Variants in AHCYL2 observed in about 807,000 individuals in gnomAD.
The protein encoded by AHCYL2 is S-adenosylhomocysteine hydrolase-like protein 2.
AHCYL2 carries 28 observed loss-of-function variants against 81.4 expected under a neutral mutation model. That is an observed-to-expected ratio of 0.34 (90% CI 0.25 to 0.47). The LOEUF is 0.47. Among genes scored for constraint, AHCYL2 ranks in the 20% least tolerant of loss-of-function variants. The probability of loss-of-function intolerance (pLI) is 1.00; values close to 1 mark genes in which losing one functional copy is unlikely to be tolerated. For synonymous variants in AHCYL2, 272 were observed against 290.2 expected (o/e 0.94, Z 0.64); for missense variants, 551 against 785.1 (o/e 0.70, Z 3.56).
intron 1 of AHCYL2, among the ~76,000 whole-genome samples, chr7:129,304,088 C>T (rs1314516540): frequency 7.5e-6 from 1 of 133,694 alleles, no homozygotes; most frequent in African/African-American, 4.1e-5. Flanking sequence ...AATAAATAAA[C>T]AAACAAACTT....
At chr7:129,362,908 G>T (rs10261099) in intron 1 of AHCYL2, among the ~76,000 whole-genome samples, 152,201 of 152,208 alleles carry the variant, frequency 1, 76,097 homozygotes, top group Middle Eastern at 1. Flanking sequence ...CACTGCCTGG[G>T]GGTTTTTTTA....
chr7:129,289,035 G>A (rs1053656762), intron 1 of AHCYL2, among the ~76,000 whole-genome samples: 1 of 152,086 alleles, frequency 6.6e-6, no homozygotes, highest in Non-Finnish European at 1.5e-5. Context: ...GCCAGCCTTC[G>A]TCTTCCAAAG....
chr7:129,274,190 G>C (rs1045168483), intron 1 of AHCYL2, among the ~76,000 whole-genome samples: 2 of 152,168 alleles, frequency 1.3e-5, no homozygotes, highest in African/African-American at 4.8e-5. Flanking sequence ...TTGAATGAGA[G>C]TGTCTATTGT....
rs1181597000 is a variant in AHCYL2, at chr7:129,406,578, A to T, written c.1295+112A>T. The T allele has an allele frequency of 2.0e-6, 2 of 997,878 alleles. No individual in the cohort carries two copies. The highest frequency in any genetic ancestry group is 3.2e-6 in the Non-Finnish European group (2 of 633,150). The allele number at this position is 997,878 out of a possible 1,614,324, so 61.8% of individuals were successfully genotyped here. Reference sequence around the variant, plus strand: ...AGCCCAGATCCTCAGAGATGCTGCCACTAACTCTAAGCATCTGTCTTTTAA... The same window carrying T: ...AGCCCAGATCCTCAGAGATGCTGCCTCTAACTCTAAGCATCTGTCTTTTAA... On this transcript the variant is annotated intron_variant, in intron 10 of 16. Coordinates refer to ENST00000325006, the MANE Select transcript of AHCYL2 (RefSeq NM_015328.4). This position sits in a 1 kb window ranked among gnomAD's most constrained non-coding sequence, Gnocchi z 4.3.
At chr7:129,242,589 C>T (rs1038515871) in intron 1 of AHCYL2, among the ~76,000 whole-genome samples, 8 of 152,046 alleles carry the variant, frequency 5.3e-5, no homozygotes, top group East Asian at 1.9e-4. Context: ...TGGTGGTGTG[C>T]GCCTGTAATC....
intron 1 of AHCYL2, among the ~76,000 whole-genome samples, chr7:129,358,734 A>G (rs550894074): frequency 2.0e-5 from 3 of 152,180 alleles, no homozygotes; most frequent in African/African-American, 7.2e-5. Context: ...AAATGGTTAA[A>G]GTGGTAACTC....
At chr7:129,308,857 A>G (rs1229136381) in intron 1 of AHCYL2, among the ~76,000 whole-genome samples, 1 of 152,188 alleles carries the variant, frequency 6.6e-6, no homozygotes, top group African/African-American at 2.4e-5. Flanking sequence ...TTATAATTTC[A>G]GTGTGATGTC....
intron 4 of AHCYL2, among the ~76,000 whole-genome samples, chr7:129,395,594 G>T (rs1225312800): frequency 6.6e-6 from 1 of 152,192 alleles, no homozygotes; most frequent in Non-Finnish European, 1.5e-5. Flanking sequence ...CCTTCCTCCA[G>T]ACACAGTGGA....
At chr7:129,271,332 G>A (rs188265444) in intron 1 of AHCYL2, among the ~76,000 whole-genome samples, 38 of 133,152 alleles carry the variant, frequency 2.9e-4, no homozygotes, top group Middle Eastern at 0.011. Flanking sequence ...CTGCAATCCA[G>A]CCTGGGCAAC....
intron 1 of AHCYL2, among the ~76,000 whole-genome samples, chr7:129,234,022 ATCTT>A (rs1384007909): frequency 1.4e-5 from 2 of 143,070 alleles, no homozygotes; most frequent in Non-Finnish European, 3.1e-5. Context: ...TTCTTTTTCT[ATCTT>A]TCTTCTCTCT....
At chr7:129,415,633 CAA>C (rs1170561870) in intron 12 of AHCYL2, among the ~76,000 whole-genome samples, 6 of 109,206 alleles carry the variant, frequency 5.5e-5, no homozygotes, top group Admixed American at 1.8e-4. Flanking sequence ...AACTCCATCT[CAA>C]AAAAAAAAAA....
chr7:129,413,113 A>AT (rs1563245120), intron 11 of AHCYL2, among the ~76,000 whole-genome samples: 1 of 150,262 alleles, frequency 6.7e-6, no homozygotes, highest in African/African-American at 2.5e-5. Flanking sequence ...AAGTGCTGGG[A>AT]TAACAGGCAT....
chr7:129,366,176 G>C (rs930317641), intron 1 of AHCYL2, among the ~76,000 whole-genome samples: 1 of 152,072 alleles, frequency 6.6e-6, no homozygotes, highest in Admixed American at 6.5e-5. Flanking sequence ...TATGACCACA[G>C]CTTCCTTTAC....
At chr7:129,330,740 C>T (rs923202197) in intron 1 of AHCYL2, among the ~76,000 whole-genome samples, 1 of 152,150 alleles carries the variant, frequency 6.6e-6, no homozygotes, top group African/African-American at 2.4e-5. Context: ...GGATTACAGG[C>T]GTGAGCCACC....
chr7:129,288,422 G>A (rs1796716412), intron 1 of AHCYL2, among the ~76,000 whole-genome samples: 1 of 151,642 alleles, frequency 6.6e-6, no homozygotes, highest in African/African-American at 2.4e-5. Flanking sequence ...GTGCAGTGGC[G>A]TGATCTCGGC....
rs1430438562 is a variant in AHCYL2, at chr7:129,337,313, G to A, written c.364-42325G>A. On this transcript the variant is annotated intron_variant, in intron 1 of 16. Transcript: ENST00000325006. Reference sequence around the variant, plus strand: ...TCACTTAAAATATATCTTGGAGATAGTTTATATCAAAACATATATAGCTGC... The same window carrying A: ...TCACTTAAAATATATCTTGGAGATAATTTATATCAAAACATATATAGCTGC... Among the ~76,000 whole-genome samples, 3 of 152,100 alleles carry A rather than the reference G, an allele frequency of 2.0e-5. No homozygotes were observed. The East Asian group carries it at 5.8e-4, about 29-fold the overall frequency.
intron 1 of AHCYL2, among the ~76,000 whole-genome samples, chr7:129,316,531 G>T (rs1797828870): frequency 6.6e-6 from 1 of 152,158 alleles, no homozygotes; most frequent in African/African-American, 2.4e-5. Context: ...AAGGATTTGA[G>T]AGTTCTTTCT....
chr7:129,421,166 C>T lies in AHCYL2; in HGVS notation c.1462-1674C>T, dbSNP rs930448590. 2.0e-5 allele frequency among the ~76,000 whole-genome samples: 3 copies of T among 151,774 alleles called. No individual in the cohort carries two copies. In the East Asian group the frequency reaches 5.8e-4, roughly 29 times the overall value. On this transcript the variant is annotated intron_variant, in intron 12 of 16. Coordinates refer to ENST00000325006, the MANE Select transcript of AHCYL2 (RefSeq NM_015328.4). The stretch of plus-strand genomic sequence containing the variant: ...ATTCGGGAGGCTGAGGCAGGAGAAT[C>T]GCTTGAACCCAGGAGGCAGAGGTTG...
chr7:129,255,216 G>A (rs2694577), intron 1 of AHCYL2, among the ~76,000 whole-genome samples: 142,210 of 152,010 alleles, frequency 0.94, 67,217 homozygotes, highest in East Asian at 1. Context: ...AGCCGAGATC[G>A]CGCCATTGCA....
Sources: gnomAD v4.1 joint callset for allele counts (sites outside exome capture counted in the v4.1 genomes callset) on GRCh38, gnomAD v4.1.1 for gene constraint, Gnocchi (gnomAD v3.1) non-coding constraint, MANE v1.5 for transcripts, NCBI Gene and HGNC (gene_info 2026-07-23, HGNC 2026-07-21) for gene names.